The following GAB3 variants were observed in gnomAD, a reference collection of about 807,000 sequenced individuals.
The protein encoded by GAB3 is GRB2 associated binding protein 3.
Under a neutral mutation model 40.4 loss-of-function variants are expected in GAB3, and 12 were observed. The observed-to-expected ratio is 0.30, with a 90% confidence interval of 0.19 to 0.48. The LOEUF (loss-of-function observed/expected upper bound fraction) is 0.48, where lower values mean the gene tolerates loss of function less well. Ranked by LOEUF, GAB3 falls within the 20% of genes least tolerant of loss-of-function variation. The probability of loss-of-function intolerance (pLI) is 0.99; values close to 1 mark genes in which losing one functional copy is unlikely to be tolerated. For missense variants in GAB3, 381 were observed against 461.9 expected (o/e 0.82, Z 1.61); for synonymous variants, 154 against 176.7 (o/e 0.87, Z 1.02).
At chrX:154,751,135 C>G, upstream of GAB3, 1 of 689,767 alleles carries the variant, frequency 1.4e-6, no homozygotes, top group Non-Finnish European at 1.7e-6. Context: ...CCAGCGCCGC[C>G]CCGAGCGGCC....
chrX:154,711,389 C>T, intron 4 of GAB3, among the ~76,000 whole-genome samples: 1 of 111,380 alleles, frequency 9.0e-6, no homozygotes, highest in Non-Finnish European at 1.9e-5. Context: ...TGAGGTGGCT[C>T]AGCAAAGCAG....
chrX:154,690,110 C>T (rs2070531276), intron 8 of GAB3, among the ~76,000 whole-genome samples: 1 of 108,467 alleles, frequency 9.2e-6, no homozygotes, highest in African/African-American at 3.3e-5. Context: ...AGAAACAACG[C>T]CGCATATCTA....
intron 1 of GAB3, among the ~76,000 whole-genome samples, chrX:154,742,085 A>T (rs1557261384): frequency 8.9e-6 from 1 of 112,425 alleles, no homozygotes; most frequent in African/African-American, 3.2e-5. Flanking sequence ...GAAGTAAAAA[A>T]CAGAAAGATA....
chrX:154,700,423 G>A (rs2070724441), intron 4 of GAB3, among the ~76,000 whole-genome samples: 1 of 111,345 alleles, frequency 9.0e-6, no homozygotes, highest in African/African-American at 3.3e-5. Flanking sequence ...GCCTTGTGGA[G>A]CAGCATTAAG....
rs144138705 is a variant in GAB3 at position 154,730,586 on chromosome X, G to C, written c.73-14257C>G. ...GAACGCACTCACGAGGCTGGGGGTT[G>C]TTTATGTGTTGCAAAAGGTAAGCAT... On this transcript the variant is annotated intron_variant, in intron 1 of 9. Transcript: ENST00000424127. Among the ~76,000 whole-genome samples, 27 of 112,224 alleles carry C rather than the reference G, an allele frequency of 2.4e-4. No individual in the cohort carries two copies. The East Asian group carries it at 7.3e-3, about 30-fold the overall frequency.
intron 8 of GAB3, among the ~76,000 whole-genome samples, chrX:154,687,406 C>T (rs1328102880): frequency 1.5e-4 from 16 of 109,313 alleles, no homozygotes; most frequent in Admixed American, 2.9e-4. Flanking sequence ...CTGAGGCGGG[C>T]GGATCACAAG....
At chrX:154,694,232 T>C (rs1325755297) in intron 8 of GAB3, among the ~76,000 whole-genome samples, 3 of 111,904 alleles carry the variant, frequency 2.7e-5, no homozygotes, top group Non-Finnish European at 3.8e-5. Context: ...TATACGACAG[T>C]TCCCAGATCA....
At chrX:154,710,281 A>G (rs1557255368) in intron 4 of GAB3, among the ~76,000 whole-genome samples, 1 of 111,801 alleles carries the variant, frequency 8.9e-6, no homozygotes, top group African/African-American at 3.3e-5. Context: ...ATCCTCCTCA[A>G]ATCCCCAATA....
chrX:154,696,133 T>A, intron 7 of GAB3, 114 bp from the exon 8 acceptor site: 2 of 396,614 alleles, frequency 5.0e-6, no homozygotes, highest in Non-Finnish European at 8.8e-6. Context: ...CAGACACAAC[T>A]TCCTTCCGGC....
At chrX:154,724,919 T>G (rs782072295) in intron 1 of GAB3, among the ~76,000 whole-genome samples, 1 of 111,344 alleles carries the variant, frequency 9.0e-6, no homozygotes, top group East Asian at 2.8e-4. Flanking sequence ...ATTCATATGT[T>G]AAACTCCTAA....
At position 154,751,018 on chromosome X, in the gene GAB3, G is replaced by A. The variant is rs1557262597; in HGVS notation, c.8C>T (p.Ala3Val). 2 of 816,802 alleles carry A rather than the reference G, an allele frequency of 2.4e-6. No homozygotes were observed. Among genetic ancestry groups the A allele is most frequent in the Non-Finnish European group, 3.0e-6 (2 of 673,118 alleles). 67.3% of individuals were successfully genotyped at this position (816,802 alleles called of 1,213,427 possible). A position where few individuals can be genotyped will look rare whatever the true frequency, so the allele number is the denominator to read the frequency against. ...CCAGCCGGTGCACACTGCGTCGCCC[G>A]CACTCATCGTGGCCGCCGCCGCCGC... Reference protein sequence around the residue: MSAGDAVCTGWLV... With the variant: MSVGDAVCTGWLV... The change falls in exon 1 of 10, where the codon GCG becomes GTG. Residue 3 changes from alanine (A) to valine (V), a missense_variant. This residue lies in a region of GAB3 where 364 missense variants were observed against 421.0 expected (regional missense o/e 0.86). Transcript: ENST00000424127.
At chrX:154,711,254 G>C (rs898034746) in intron 4 of GAB3, among the ~76,000 whole-genome samples, 34 of 111,940 alleles carry the variant, frequency 3.0e-4, no homozygotes, top group Non-Finnish European at 1.1e-4. Flanking sequence ...AGAGAAGAAA[G>C]AAAAAAGGAG....
chrX:154,715,970 A>C, intron 2 of GAB3, 56 bp downstream of exon 2: 50 of 1,085,571 alleles, frequency 4.6e-5, no homozygotes, highest in Non-Finnish European at 5.8e-5. Context: ...TTTCTGCAGT[A>C]ACCCTCCAGT....
At chrX:154,697,693 G>A (rs2070682712) in intron 6 of GAB3, among the ~76,000 whole-genome samples, 1 of 111,840 alleles carries the variant, frequency 8.9e-6, no homozygotes, top group Admixed American at 9.4e-5. Context: ...TTTGCCTCTA[G>A]ACAAGATCAG....
At chrX:154,705,110 G>A (rs183708146) in intron 4 of GAB3, among the ~76,000 whole-genome samples, 74 of 110,356 alleles carry the variant, frequency 6.7e-4, no homozygotes, top group Non-Finnish European at 1.1e-3. Flanking sequence ...AAAATGAAGA[G>A]GGAATTCCCT....
intron 8 of GAB3, among the ~76,000 whole-genome samples, chrX:154,682,641 T>C (rs954484269): frequency 1.1e-4 from 12 of 112,046 alleles, no homozygotes; most frequent in African/African-American, 3.2e-4. Context: ...ATGGTTGTAA[T>C]AGCTCATCTC....
intron 8 of GAB3, among the ~76,000 whole-genome samples, chrX:154,682,020 A>C (rs964403506): frequency 8.9e-6 from 1 of 111,916 alleles, no homozygotes; most frequent in African/African-American, 3.2e-5. Context: ...CACTTATTTC[A>C]TTCTCCTTAA....
At chrX:154,687,624 ACT>A (rs1341926688) in intron 8 of GAB3, among the ~76,000 whole-genome samples, 3 of 85,198 alleles carry the variant, frequency 3.5e-5, no homozygotes, top group Non-Finnish European at 6.8e-5. Flanking sequence ...ACAGAGCGAG[ACT>A]CTGTCTCAAA....
rs182858039 is a variant in GAB3, at chrX:154,731,005, G to A, written c.73-14676C>T. ...GGAGAATCCTGAGGAGAAATGTTCAGCAAAGATAAGTACACCAAGAGGTCT... is the reference window on the plus strand; with the variant it reads ...GGAGAATCCTGAGGAGAAATGTTCAACAAAGATAAGTACACCAAGAGGTCT... On this transcript the variant is annotated intron_variant, in intron 1 of 9. Transcript: ENST00000424127. 1.6e-3 allele frequency among the ~76,000 whole-genome samples: 180 copies of A among 112,378 alleles called. 1 individual carries two copies. The highest frequency in any genetic ancestry group is 2.6e-3 in the Non-Finnish European group (138 of 53,273).
Sources: allele counts gnomAD v4.1 joint callset (sites outside exome capture counted in the v4.1 genomes callset), GRCh38; gene constraint gnomAD v4.1.1; regional missense constraint gnomAD v4.1.1; transcripts MANE v1.5; gene names NCBI Gene and HGNC (gene_info 2026-07-23, HGNC 2026-07-21).